Variants in ADGRB3 observed in about 807,000 individuals in gnomAD.
The protein encoded by ADGRB3 is brain-specific angiogenesis inhibitor 3.
ADGRB3 carries 37 observed loss-of-function variants against 193.4 expected under a neutral mutation model. That is an observed-to-expected ratio of 0.19 (90% CI 0.15 to 0.25). The LOEUF is 0.25. Ranked by LOEUF, ADGRB3 falls within the 10% of genes least tolerant of loss-of-function variation. The pLI is 1.00. For missense variants in ADGRB3, 1,637 were observed against 1,852.9 expected, an observed-to-expected ratio of 0.88 and a Z score of 2.14; for synonymous variants, 690 against 644.2, an observed-to-expected ratio of 1.07 and a Z score of -1.08.
intron 29 of ADGRB3, among the ~76,000 whole-genome samples, chr6:69,363,430 T>C (rs1310452205): frequency 6.6e-6 from 1 of 152,084 alleles, no homozygotes; most frequent in African/African-American, 2.4e-5. Context: ...CATCTTTCAT[T>C]AGCAGATCCT....
Position 68,639,440 on chromosome 6 carries a change from C to T in ADGRB3, c.757+8C>T. ...AGCGACCACCCAAAGAAGGTAAGTG[C>T]CAAAGAGAGGGGAAGGTGAGCGGGG... On this transcript the variant is annotated splice_region_variant and intron_variant, in intron 3 of 31. Transcript: ENST00000370598. 6.3e-7 allele frequency: 1 copy of T among 1,591,444 alleles called. No homozygotes were observed. Among genetic ancestry groups the T allele is most frequent in the Non-Finnish European group, 8.6e-7 (1 of 1,169,142 alleles).
chr6:68,669,340 T>G (rs1768883360), intron 3 of ADGRB3, among the ~76,000 whole-genome samples: 4 of 151,874 alleles, frequency 2.6e-5, no homozygotes, highest in Admixed American at 2.6e-4. Flanking sequence ...ATTCATTTGT[T>G]CTAACTATTT....
chr6:68,797,891 A>T (rs1767241010), intron 3 of ADGRB3, among the ~76,000 whole-genome samples: 1 of 152,140 alleles, frequency 6.6e-6, no homozygotes, highest in Admixed American at 6.6e-5. Context: ...CTTTTGCTTT[A>T]TTAGTAAATC....
At chr6:68,722,931 A>G (rs976996732) in intron 3 of ADGRB3, among the ~76,000 whole-genome samples, 1 of 151,738 alleles carries the variant, frequency 6.6e-6, no homozygotes, top group African/African-American at 2.4e-5. Context: ...TTCCAAGGAG[A>G]AAAATACATT....
At chr6:68,882,814 T>C (rs1187758538) in intron 3 of ADGRB3, among the ~76,000 whole-genome samples, 1 of 152,186 alleles carries the variant, frequency 6.6e-6, no homozygotes, top group African/African-American at 2.4e-5. Context: ...AAAGAGTCCC[T>C]TAATGGTTAT....
intron 17 of ADGRB3, among the ~76,000 whole-genome samples, chr6:69,215,767 A>G (rs986419623): frequency 4.6e-5 from 7 of 152,166 alleles, no homozygotes; most frequent in Non-Finnish European, 1.0e-4. Flanking sequence ...CAGCTGACTT[A>G]AAGATCTCCT....
intron 3 of ADGRB3, among the ~76,000 whole-genome samples, chr6:68,802,600 G>A (rs915421325): frequency 6.6e-6 from 1 of 152,122 alleles, no homozygotes; most frequent in Non-Finnish European, 1.5e-5. Context: ...TGTGTTTACT[G>A]AAACAATTGG....
chr6:69,073,749 T>C (rs1037338762), intron 16 of ADGRB3, among the ~76,000 whole-genome samples: 1 of 152,142 alleles, frequency 6.6e-6, no homozygotes, highest in African/African-American at 2.4e-5. Context: ...AATCATAAAA[T>C]AGGGCCAGAC....
intron 17 of ADGRB3, among the ~76,000 whole-genome samples, chr6:69,213,966 G>A (rs1765719956): frequency 6.6e-6 from 1 of 152,052 alleles, no homozygotes; most frequent in Non-Finnish European, 1.5e-5. Flanking sequence ...TTGAGTAGGG[G>A]AGAAAGTGAC....
chr6:69,355,676 A>T, intron 27 of ADGRB3, 145 bp from the exon 28 acceptor site: 1 of 673,076 alleles, frequency 1.5e-6, no homozygotes, highest in Non-Finnish European at 2.6e-6. Flanking sequence ...CAATCTAATT[A>T]TACATAGAGA....
intron 17 of ADGRB3, among the ~76,000 whole-genome samples, chr6:69,153,790 G>A (rs964597093): frequency 4.6e-5 from 7 of 152,072 alleles, no homozygotes; most frequent in Admixed American, 2.0e-4. Flanking sequence ...TCAGGAGATC[G>A]AGACCATGCT....
chr6:69,352,088 T>C (rs1204987314), intron 26 of ADGRB3, among the ~76,000 whole-genome samples: 2 of 152,046 alleles, frequency 1.3e-5, no homozygotes, highest in African/African-American at 2.4e-5. Context: ...CATTGGTTTC[T>C]AGGATTTTTT....
At chr6:69,193,119 C>T (rs766550177) in intron 17 of ADGRB3, among the ~76,000 whole-genome samples, 26 of 152,070 alleles carry the variant, frequency 1.7e-4, no homozygotes, top group Non-Finnish European at 2.9e-4. Context: ...AGAGGATCAT[C>T]TGCCAGTTTT....
chr6:68,937,488 G>C (rs1214234693), intron 5 of ADGRB3, among the ~76,000 whole-genome samples: 1 of 152,170 alleles, frequency 6.6e-6, no homozygotes, highest in African/African-American at 2.4e-5. Flanking sequence ...AACCATTTAT[G>C]TGGTGGATGG....
intron 11 of ADGRB3, among the ~76,000 whole-genome samples, chr6:68,998,829 G>T (rs1458599780): frequency 5.3e-5 from 8 of 152,330 alleles, no homozygotes; most frequent in African/African-American, 1.9e-4. Flanking sequence ...TGGTGCAGAG[G>T]CTTTGTCTGG....
chr6:68,929,960 AGG>A (rs1296459103), intron 3 of ADGRB3, among the ~76,000 whole-genome samples: 1 of 151,906 alleles, frequency 6.6e-6, no homozygotes, highest in Non-Finnish European at 1.5e-5. Context: ...TGATTAGAAA[AGG>A]GGGGAGGAAT....
rs567275287 is a variant in ADGRB3 at position 69,061,601 on chromosome 6, T to C, written c.2334-1333T>C. ...GGTAATTATTTATAATAGCCAAATA[T>C]CATTAGCTATTATTTCTAAAGGCTA... On this transcript the variant is annotated intron_variant, in intron 15 of 31. Coordinates refer to ENST00000370598, the MANE Select transcript of ADGRB3 (RefSeq NM_001704.3). 9.7e-4 allele frequency among the ~76,000 whole-genome samples: 147 copies of C among 152,116 alleles called. 1 individual carries two copies. The highest frequency in any genetic ancestry group is 1.6e-3 in the Admixed American group (25 of 15,242).
chr6:68,750,776 G>A (rs886259542), intron 3 of ADGRB3, among the ~76,000 whole-genome samples: 1 of 152,174 alleles, frequency 6.6e-6, no homozygotes, highest in African/African-American at 2.4e-5. Flanking sequence ...TGGGCATAAT[G>A]TCATCCAGAA....
At chr6:68,970,290 C>CT (rs532241709) in intron 8 of ADGRB3, among the ~76,000 whole-genome samples, 7,258 of 144,616 alleles carry the variant, frequency 0.05, 220 homozygotes, top group Non-Finnish European at 0.073. Context: ...TTTCTTCTTT[C>CT]TTTTTTTTTT....
Sources: gnomAD v4.1 joint callset for allele counts (sites outside exome capture counted in the v4.1 genomes callset) on GRCh38, gnomAD v4.1.1 for gene constraint, MANE v1.5 for transcripts, NCBI Gene and HGNC (gene_info 2026-07-23, HGNC 2026-07-21) for gene names.